KIAA1217: variants seen among roughly 807,000 people sequenced by gnomAD.
KIAA1217 encodes the protein sickle tail protein homolog.
In KIAA1217, 88 loss-of-function variants were observed where a neutral mutation model predicts 163.9. That is an observed-to-expected ratio of 0.54 (90% CI 0.45 to 0.64). The LOEUF is 0.64. Among genes scored for constraint, KIAA1217 ranks in the 30% least tolerant of loss-of-function variants. The probability of loss-of-function intolerance (pLI) is 0.00; values close to 1 mark genes in which losing one functional copy is unlikely to be tolerated. For missense variants in KIAA1217, 2,372 were observed against 2,475.0 expected, an observed-to-expected ratio of 0.96 and a Z score of 0.88; for synonymous variants, 903 against 923.1, an observed-to-expected ratio of 0.98 and a Z score of 0.39.
chr10:24,030,984 G>C (rs1352869754), intron 2 of KIAA1217, among the ~76,000 whole-genome samples: 2 of 152,134 alleles, frequency 1.3e-5, no homozygotes, highest in African/African-American at 2.4e-5. Flanking sequence ...ACTATTATGA[G>C]CATGGCTGTA....
chr10:24,209,120 C>A (rs2067746725), upstream of KIAA1217: 9 of 1,378,182 alleles, frequency 6.5e-6, no homozygotes, highest in South Asian at 9.4e-5. Context: ...CCCTCCCAGG[C>A]GCTTTCTGGG....
intron 1 of KIAA1217, among the ~76,000 whole-genome samples, chr10:23,985,353 G>A (rs976886215): frequency 6.6e-6 from 1 of 151,944 alleles, no homozygotes; most frequent in East Asian, 1.9e-4. Flanking sequence ...TCTTTTTGGA[G>A]TTCATCAGAC....
At chr10:24,000,407 A>G (rs963213759) in intron 1 of KIAA1217, among the ~76,000 whole-genome samples, 9 of 152,134 alleles carry the variant, frequency 5.9e-5, no homozygotes, top group South Asian at 4.2e-4. Flanking sequence ...CCTTGCTGCC[A>G]CCATGTGAAG....
intron 1 of KIAA1217, among the ~76,000 whole-genome samples, chr10:23,958,419 G>A (rs1036268982): frequency 1.3e-5 from 2 of 152,170 alleles, no homozygotes; most frequent in Admixed American, 6.5e-5. Flanking sequence ...TTTTAGCAGT[G>A]CTTTATAGGT....
chr10:24,404,658 A>G (rs895969941), intron 3 of KIAA1217, among the ~76,000 whole-genome samples: 10 of 152,124 alleles, frequency 6.6e-5, no homozygotes, highest in African/African-American at 2.4e-4. Context: ...AGACAAATGA[A>G]AACTGTTTTC....
chr10:23,814,526 G>A (rs1250765336), intron 1 of KIAA1217, among the ~76,000 whole-genome samples: 1 of 152,204 alleles, frequency 6.6e-6, no homozygotes, highest in East Asian at 1.9e-4. Flanking sequence ...CATTGGGGAT[G>A]ACCCAAACAA....
At chr10:24,033,959 C>T (rs1296504229) in intron 2 of KIAA1217, among the ~76,000 whole-genome samples, 1 of 152,160 alleles carries the variant, frequency 6.6e-6, no homozygotes, top group Non-Finnish European at 1.5e-5. Context: ...TGCTATAGAA[C>T]ATTCTGCTAG....
intron 2 of KIAA1217, among the ~76,000 whole-genome samples, chr10:24,056,401 A>C (rs2131591738): frequency 6.6e-6 from 1 of 152,230 alleles, no homozygotes; most frequent in Middle Eastern, 3.4e-3. Context: ...CCCGCTTTGC[A>C]GTGGGAGACC....
At chr10:23,731,955 C>T (rs1431416735) in intron 1 of KIAA1217, among the ~76,000 whole-genome samples, 1 of 151,970 alleles carries the variant, frequency 6.6e-6, no homozygotes, top group Non-Finnish European at 1.5e-5. Flanking sequence ...ATAAATCTCA[C>T]TTGGTTGTGG....
intron 2 of KIAA1217, among the ~76,000 whole-genome samples, chr10:24,330,017 C>T (rs185171440): frequency 8.9e-4 from 136 of 152,104 alleles, no homozygotes; most frequent in African/African-American, 2.8e-3. Flanking sequence ...TAAGCAGAAA[C>T]GGCTGGGCGT....
At chr10:24,039,874 G>C (rs1330801846) in intron 2 of KIAA1217, among the ~76,000 whole-genome samples, 1 of 151,772 alleles carries the variant, frequency 6.6e-6, no homozygotes, top group African/African-American at 2.4e-5. Context: ...TGTTTTTCTG[G>C]AGAACCCTGA....
intron 2 of KIAA1217, among the ~76,000 whole-genome samples, chr10:24,268,434 T>C (rs1052820314): frequency 3.3e-5 from 5 of 151,804 alleles, no homozygotes; most frequent in African/African-American, 1.2e-4. Flanking sequence ...AAGACATTTA[T>C]GCAGCCAAAA....
chr10:23,903,150 T>C (rs1232259863), intron 1 of KIAA1217, among the ~76,000 whole-genome samples: 1 of 152,046 alleles, frequency 6.6e-6, no homozygotes, highest in East Asian at 1.9e-4. Flanking sequence ...GATAAGGAAA[T>C]CCCTCCTCCA....
At chr10:24,384,179 G>A (rs2053690128) in intron 3 of KIAA1217, among the ~76,000 whole-genome samples, 1 of 152,148 alleles carries the variant, frequency 6.6e-6, no homozygotes, top group African/African-American at 2.4e-5. Context: ...GGTGTCTTTT[G>A]GCATCTGTAT....
Position 24,545,810 on chromosome 10 carries a change from G to A in KIAA1217, c.5335-17G>A, listed in dbSNP as rs780806350. ...CCGCCTTTCTGACAAAATGTCTCCCGCCATCTTTATTTGCAGGCTAATGGA... is the reference window on the plus strand; with the variant it reads ...CCGCCTTTCTGACAAAATGTCTCCCACCATCTTTATTTGCAGGCTAATGGA... On this transcript the variant is annotated splice_polypyrimidine_tract_variant and intron_variant, in intron 20 of 20. Coordinates refer to ENST00000376454, the MANE Select transcript of KIAA1217 (RefSeq NM_019590.5). The A allele has an allele frequency of 5.8e-6, 9 of 1,563,580 alleles. No homozygotes were observed. The East Asian group carries it at 1.1e-4, about 20-fold the overall frequency.
chr10:24,520,429 C>G (rs1592618716), intron 11 of KIAA1217, among the ~76,000 whole-genome samples, 176 bp downstream of exon 11: 1 of 151,714 alleles, frequency 6.6e-6, no homozygotes, highest in Admixed American at 6.6e-5. Flanking sequence ...GCACATCCCC[C>G]TCTTCTTGGA....
intron 2 of KIAA1217, among the ~76,000 whole-genome samples, chr10:24,323,725 G>A (rs74794486): frequency 0.036 from 5,401 of 151,830 alleles, 310 homozygotes; most frequent in African/African-American, 0.12. Context: ...AGAAAAATTT[G>A]TGTAGCAATG....
intron 2 of KIAA1217, among the ~76,000 whole-genome samples, chr10:24,226,468 A>AC (rs879432920): frequency 1.3e-5 from 2 of 151,724 alleles, no homozygotes; most frequent in Non-Finnish European, 2.9e-5. Context: ...CTACTAAAAA[A>AC]AAAAAAATAC....
intron 1 of KIAA1217, among the ~76,000 whole-genome samples, chr10:23,958,579 T>C (rs569941538): frequency 2.6e-5 from 4 of 152,186 alleles, no homozygotes; most frequent in African/African-American, 9.6e-5. Flanking sequence ...ATCAATTTGT[T>C]GAGAAAAACG....
Sources: gnomAD v4.1 joint callset for allele counts (sites outside exome capture counted in the v4.1 genomes callset) on GRCh38, gnomAD v4.1.1 for gene constraint, MANE v1.5 for transcripts, NCBI Gene and HGNC (gene_info 2026-07-23, HGNC 2026-07-21) for gene names.